ZNF334: variants seen among roughly 807,000 people sequenced by gnomAD.
ZNF334 encodes the protein zinc finger protein 334.
ZNF334 carries 14 observed loss-of-function variants against 12.4 expected under a neutral mutation model. The observed-to-expected ratio is 1.13, with a 90% CI of 0.74 to 1.76. The LOEUF (loss-of-function observed/expected upper bound fraction) is 1.76, where lower values mean the gene tolerates loss of function less well. ZNF334 is among the 40% of genes most tolerant of loss of function. The probability of loss-of-function intolerance (pLI) is 0.00; values close to 1 mark genes in which losing one functional copy is unlikely to be tolerated. For missense variants in ZNF334, 797 were observed against 804.5 expected, an observed-to-expected ratio of 0.99 and a Z score of 0.11; for synonymous variants, 273 against 269.6, an observed-to-expected ratio of 1.01 and a Z score of -0.12.
At chr20:46,493,115 G>A in the ZNF334 span, among the ~76,000 whole-genome samples, 1 of 151,330 alleles carries the variant, frequency 6.6e-6, no homozygotes, top group African/African-American at 2.4e-5. Context: ...ACTGTTAAAT[G>A]TATTCAACTA....
At chr20:46,479,455 G>A in the ZNF334 span, among the ~76,000 whole-genome samples, 9 of 152,104 alleles carry the variant, frequency 5.9e-5, no homozygotes, top group Non-Finnish European at 1.2e-4. Flanking sequence ...CTCCCTTTTG[G>A]AGTTCAGCAC....
At chr20:46,481,210 C>A in the ZNF334 span, 1 of 152,148 alleles carries the variant, frequency 6.6e-6, no homozygotes, top group Non-Finnish European at 1.5e-5. Flanking sequence ...TCCTAAAATA[C>A]CAATTTACAG....
rs139808564 is a variant in ZNF334 at position 46,502,435 on chromosome 20, A to C, written c.904T>G (p.Phe302Val). The C allele has an allele frequency of 8.1e-6, 13 of 1,614,112 alleles. No homozygotes were observed. In the African/African-American group the frequency reaches 1.5e-4, roughly 18 times the overall value. Residue 302 changes from phenylalanine (F) to valine (V), a missense_variant, in exon 5 of 5, where the codon TTC (phenylalanine) becomes GTC (valine). By Grantham distance (50) the Phe-to-Val change is conservative. Coordinates refer to ENST00000692313, the MANE Select transcript of ZNF334 (RefSeq NM_001353824.2). ...PYECSECRKT[F>V]IDKSALIVHQ... ...ACAATAAGGGCAGATTTGTCAATGAAGGTTTTCCTGCATTCACTGCATTCA... is the reference window on the plus strand; with the variant it reads ...ACAATAAGGGCAGATTTGTCAATGACGGTTTTCCTGCATTCACTGCATTCA...
the ZNF334 span, among the ~76,000 whole-genome samples, chr20:46,470,313 A>C: frequency 6.6e-6 from 1 of 152,048 alleles, no homozygotes. Context: ...CTTCCACCCA[A>C]ATGGCCCTTC....
At chr20:46,471,344 T>C in the ZNF334 span, among the ~76,000 whole-genome samples, 4 of 152,238 alleles carry the variant, frequency 2.6e-5, no homozygotes, top group Admixed American at 2.6e-4. Context: ...TTTGTGTATA[T>C]ACAGTATAAG....
chr20:46,489,994 T>A, the ZNF334 span, among the ~76,000 whole-genome samples: 1 of 152,208 alleles, frequency 6.6e-6, no homozygotes, highest in South Asian at 2.1e-4. Context: ...AATTTCTTTC[T>A]GCAGTTAACC....
chr20:46,507,519 G>A lies in ZNF334; in HGVS notation c.22-2779C>T, dbSNP rs952481940. The stretch of plus-strand genomic sequence containing the variant: ...TCCTGGTTCTGATCACTATAATATA[G>A]TTTTGAAAGATCAGGGGAAGCGAGG... On this transcript the variant is annotated intron_variant, in intron 2 of 4. Transcript: ENST00000692313. Among the ~76,000 whole-genome samples the A allele has an allele frequency of 5.3e-5, 8 of 152,210 alleles. No individual in the cohort carries two copies. In the East Asian group the frequency reaches 1.5e-3, roughly 29 times the overall value.
chr20:46,508,961 C>T (rs1310648038), intron 2 of ZNF334, among the ~76,000 whole-genome samples: 1 of 152,116 alleles, frequency 6.6e-6, no homozygotes, highest in Admixed American at 6.5e-5. Context: ...TGAACTGGAA[C>T]TTCAGGGATT....
At chr20:46,474,108 C>T in the ZNF334 span, among the ~76,000 whole-genome samples, 1 of 152,188 alleles carries the variant, frequency 6.6e-6, no homozygotes. Flanking sequence ...GGCGCTGTGG[C>T]TCACGCCTGT....
At chr20:46,503,369 CTT>C (rs1204859627) in intron 4 of ZNF334, among the ~76,000 whole-genome samples, 1 of 152,214 alleles carries the variant, frequency 6.6e-6, no homozygotes, top group African/African-American at 2.4e-5. Flanking sequence ...ACCTTTGACA[CTT>C]TACAAATACT....
At position 46,501,443 on chromosome 20, in the gene ZNF334, T is replaced by G. The variant is rs373325461; in HGVS notation, c.1896A>C (p.Gln632His). Residue 632 changes from glutamine to histidine, a missense_variant, in exon 5 of 5, where the codon CAA becomes CAC. Coordinates refer to ENST00000692313, the MANE Select transcript of ZNF334 (RefSeq NM_001353824.2). ...ACAGGCGACGGTAGGTTTTCCCACA[T>G]TGATTACATTCATATGGTTTCTCTC... ...HTGEKPYECN[Q>H]CGKTYRRLWT... 6.2e-7 allele frequency: 1 copy of G among 1,614,030 alleles called. No individual in the cohort carries two copies. Among genetic ancestry groups the G allele is most frequent in the Admixed American group, 1.7e-5 (1 of 60,012 alleles).
chr20:46,504,841 T>A, intron 2 of ZNF334, 101 bp from the exon 3 acceptor site: 1 of 1,034,686 alleles, frequency 9.7e-7, no homozygotes, highest in African/African-American at 1.6e-5. Flanking sequence ...AATGGAAAGC[T>A]ATAGAGAGAT....
chr20:46,494,412 C>T, the ZNF334 span, among the ~76,000 whole-genome samples: 1 of 152,138 alleles, frequency 6.6e-6, no homozygotes, highest in Non-Finnish European at 1.5e-5. Flanking sequence ...TGCCTCATTA[C>T]TTGTGTGTTG....
chr20:46,495,430 G>A (rs1199771099), downstream of ZNF334, among the ~76,000 whole-genome samples: 1 of 151,580 alleles, frequency 6.6e-6, no homozygotes, highest in Non-Finnish European at 1.5e-5. Flanking sequence ...TTGAATAAAT[G>A]CTTTAACCCT....
chr20:46,508,443 G>T (rs922306608), intron 2 of ZNF334, among the ~76,000 whole-genome samples: 1 of 152,240 alleles, frequency 6.6e-6, no homozygotes, highest in African/African-American at 2.4e-5. Flanking sequence ...AATGGGTCCT[G>T]TGACGAGATG....
At chr20:46,466,903 G>T in the ZNF334 span, among the ~76,000 whole-genome samples, 2 of 152,060 alleles carry the variant, frequency 1.3e-5, no homozygotes, top group African/African-American at 4.8e-5. Context: ...TAACTTTTTT[G>T]AATATAATTT....
chr20:46,471,336 T>C, the ZNF334 span, among the ~76,000 whole-genome samples: 4 of 152,214 alleles, frequency 2.6e-5, no homozygotes, highest in African/African-American at 7.2e-5. Context: ...AAAAAGGTTT[T>C]GTGTATATAC....
chr20:46,463,419 A>G, the ZNF334 span, among the ~76,000 whole-genome samples: 1 of 152,218 alleles, frequency 6.6e-6, no homozygotes, highest in Non-Finnish European at 1.5e-5. Flanking sequence ...ATATAAAAAC[A>G]CAGATGTGCA....
the ZNF334 span, chr20:46,464,694 G>A: frequency 1.2e-5 from 5 of 413,670 alleles, no homozygotes; most frequent in Non-Finnish European, 2.4e-5. Flanking sequence ...AAAGCAGCTT[G>A]TTATCACAGC....
Sources: allele counts gnomAD v4.1 joint callset (sites outside exome capture counted in the v4.1 genomes callset), GRCh38; gene constraint gnomAD v4.1.1; transcripts MANE v1.5; gene names NCBI Gene and HGNC (gene_info 2026-07-23, HGNC 2026-07-21).